Variants in ZDHHC6 observed in about 807,000 individuals in gnomAD.
ZDHHC6 encodes palmitoyltransferase ZDHHC6.
A neutral mutation model predicts 57.8 loss-of-function variants in ZDHHC6; 32 were observed. That is an observed-to-expected ratio of 0.55 (90% CI 0.42 to 0.74). The LOEUF (loss-of-function observed/expected upper bound fraction) is 0.74, where lower values mean the gene tolerates loss of function less well. Ranked by LOEUF, ZDHHC6 falls within the 30% of genes least tolerant of loss-of-function variation. The pLI is 0.00. For synonymous variants in ZDHHC6, 128 were observed against 158.0 expected (o/e 0.81, Z 1.42); for missense variants, 433 against 500.7 (o/e 0.86, Z 1.29).
chr10:112,437,154 A>C (rs965568782), intron 6 of ZDHHC6, among the ~76,000 whole-genome samples: 13 of 152,082 alleles, frequency 8.5e-5, no homozygotes, highest in Admixed American at 2.6e-4. Context: ...AAAAAAAAAA[A>C]CCTTGTATCT....
At chr10:112,425,309 A>G, downstream of ZDHHC6, 1 of 1,583,568 alleles carries the variant, frequency 6.3e-7, no homozygotes, top group Non-Finnish European at 8.6e-7. Context: ...TGGCTCAAAA[A>G]TACTGATACT....
At chr10:112,439,227 C>T (rs780287285) in intron 5 of ZDHHC6, among the ~76,000 whole-genome samples, 5 of 152,148 alleles carry the variant, frequency 3.3e-5, no homozygotes, top group Admixed American at 1.3e-4. Flanking sequence ...AAAAAATAAA[C>T]AGCCTTGGCC....
chr10:112,426,280 T>C, downstream of ZDHHC6: 2 of 1,614,154 alleles, frequency 1.2e-6, no homozygotes. Flanking sequence ...GGAGTGGTGG[T>C]TCCTGACACA....
chr10:112,430,117 G>A (rs145203894), downstream of ZDHHC6, among the ~76,000 whole-genome samples: 563 of 152,304 alleles, frequency 3.7e-3, 6 homozygotes, highest in African/African-American at 0.013. Context: ...ACTGCCATCC[G>A]CTGCCATCAC....
chr10:112,442,164 A>G, intron 4 of ZDHHC6, 28 bp downstream of exon 4: 2 of 1,580,728 alleles, frequency 1.3e-6, no homozygotes. Context: ...GGATGATTTT[A>G]TAACAAAACA....
downstream of ZDHHC6, among the ~76,000 whole-genome samples, chr10:112,429,998 C>T (rs968403074): frequency 1.2e-4 from 18 of 151,942 alleles, no homozygotes; most frequent in Admixed American, 2.0e-4. Context: ...TATTTCCCCT[C>T]GGCCCCCTAG....
Position 112,445,289 on chromosome 10 carries a change from G to T in ZDHHC6, c.148C>A (p.His50Asn), listed in dbSNP as rs541581697. Residue 50 changes from histidine (H) to asparagine (N), a missense_variant, in exon 2 of 11, where the codon CAT becomes AAT. Transcript: ENST00000369405. ...AAATTCACACTTCCTCCAGTTGTAT[G>T]TAAGGGCCAATACCACAACACAGAG... is the stretch of plus-strand genomic sequence containing the variant. ...IDSVLWYWPL[H>N]TTGGSVNFIM... The T allele has an allele frequency of 2.9e-5, 47 of 1,614,166 alleles. No homozygotes were observed. The South Asian group carries it at 4.8e-4, about 17-fold the overall frequency.
At chr10:112,431,029 G>C (rs1016807139) in intron 10 of ZDHHC6, 122 bp from the exon 11 acceptor site, 4 of 763,512 alleles carry the variant, frequency 5.2e-6, no homozygotes, top group Non-Finnish European at 8.5e-6. Flanking sequence ...TCCCCACTTT[G>C]CTATCTATTA....
chr10:112,445,340 T>C lies in ZDHHC6; in HGVS notation c.97A>G (p.Ile33Val), dbSNP rs753285907. The part of the protein sequence containing the change: ...GPIIALGVIA[I>V]CSTMAMIDSV... ...TCAATCATGGCCATGGTAGAACATA[T>C]TGCTATAACACCAAGGGCTATGATG... is the stretch of plus-strand genomic sequence containing the variant. The change falls in exon 2 of 11, where the codon ATA becomes GTA. Residue 33 changes from isoleucine to valine, a missense_variant. By Grantham distance (29) the Ile-to-Val change is conservative. Coordinates refer to ENST00000369405, the MANE Select transcript of ZDHHC6 (RefSeq NM_022494.3). The C allele has an allele frequency of 3.7e-6, 6 of 1,614,084 alleles. No homozygotes were observed. The highest frequency in any genetic ancestry group is 2.2e-5 in the East Asian group (1 of 44,892).
chr10:112,447,112 C>T, upstream of ZDHHC6: 1 of 495,520 alleles, frequency 2.0e-6, no homozygotes, highest in Non-Finnish European at 3.7e-6. Flanking sequence ...TGGGGGGAGG[C>T]ACTAATTGGG....
chr10:112,427,260 A>G, downstream of ZDHHC6: 2 of 1,613,656 alleles, frequency 1.2e-6, no homozygotes, highest in Non-Finnish European at 1.7e-6. Context: ...TTCCATTGAA[A>G]ATGGGCTCTT....
intron 7 of ZDHHC6, chr10:112,433,491 G>C (rs767947824): frequency 9.4e-5 from 41 of 436,652 alleles, no homozygotes; most frequent in Non-Finnish European, 1.5e-4. Flanking sequence ...TTTTCTTCTC[G>C]CTATTCACTC....
rs1370430043 is a variant in ZDHHC6 at position 112,430,913 on chromosome 10, G to A, written c.1139-6C>T. The A allele has an allele frequency of 8.1e-6, 13 of 1,611,282 alleles. No homozygotes were observed. Among genetic ancestry groups the A allele is most frequent in the Non-Finnish European group, 1.1e-5 (13 of 1,178,246 alleles). On this transcript the variant is annotated splice_region_variant and splice_polypyrimidine_tract_variant and intron_variant, in intron 10 of 10. Coordinates refer to ENST00000369405, the MANE Select transcript of ZDHHC6 (RefSeq NM_022494.3). ...ACCCCTTATTCTTGAAACACCTGAG[G>A]GAGAAAATGAAATTGAGGTGAAATA...
intron 3 of ZDHHC6, among the ~76,000 whole-genome samples, 187 bp downstream of exon 3, chr10:112,443,326 TTA>T (rs1846318596): frequency 4.6e-5 from 7 of 152,222 alleles, no homozygotes; most frequent in Non-Finnish European, 7.3e-5. Context: ...CAAGGAAGAA[TTA>T]AATCTATTTA....
downstream of ZDHHC6, chr10:112,426,406 T>C: frequency 3.3e-6 from 5 of 1,524,146 alleles, no homozygotes; most frequent in Non-Finnish European, 3.6e-6. Context: ...GGGCCCATCG[T>C]GGAGGAGAGG....
chr10:112,426,797 G>A, downstream of ZDHHC6: 2 of 1,613,956 alleles, frequency 1.2e-6, no homozygotes, highest in Non-Finnish European at 1.7e-6. Context: ...GGTTGTAAGG[G>A]AAGCCATTTT....
chr10:112,433,453 T>C, intron 7 of ZDHHC6, 172 bp from the exon 8 acceptor site: 4 of 496,362 alleles, frequency 8.1e-6, no homozygotes, highest in Non-Finnish European at 1.4e-5. Flanking sequence ...AAAGGCCCTA[T>C]GCTAAGAACC....
At chr10:112,426,117 T>G, downstream of ZDHHC6, 1 of 616,872 alleles carries the variant, frequency 1.6e-6, no homozygotes, top group Non-Finnish European at 2.8e-6. Context: ...AAATATATGG[T>G]GAGAAAAGAA....
At chr10:112,446,232 G>C (rs1305043917) in intron 1 of ZDHHC6, among the ~76,000 whole-genome samples, 2 of 152,142 alleles carry the variant, frequency 1.3e-5, no homozygotes, top group African/African-American at 4.8e-5. Flanking sequence ...AAAAGTAAAG[G>C]AGCGACAGTG....
Sources: gnomAD v4.1 joint callset for allele counts (sites outside exome capture counted in the v4.1 genomes callset) on GRCh38, gnomAD v4.1.1 for gene constraint, MANE v1.5 for transcripts, NCBI Gene and HGNC (gene_info 2026-07-23, HGNC 2026-07-21) for gene names.